The following ADGRV1 variants were observed in gnomAD, a reference collection of about 807,000 sequenced individuals.
ADGRV1 encodes G-protein coupled receptor 98.
Under a neutral mutation model 596.2 loss-of-function variants are expected in ADGRV1, and 359 were observed. The ratio of observed to expected loss-of-function variants is 0.60; its 90% CI spans 0.55 to 0.66. The LOEUF is 0.66. Ranked by LOEUF, ADGRV1 falls within the 30% of genes least tolerant of loss-of-function variation. The pLI, the probability that ADGRV1 is intolerant of heterozygous loss-of-function variation, is 0.00. For synonymous variants in ADGRV1, 2,681 were observed against 2,679.2 expected, an observed-to-expected ratio of 1.00 and a Z score of -0.02; for missense variants, 7,274 against 7,575.6, an observed-to-expected ratio of 0.96 and a Z score of 1.48.
chr5:90,669,088 C>T (rs771791756), intron 21 of ADGRV1, among the ~76,000 whole-genome samples: 8 of 152,160 alleles, frequency 5.3e-5, no homozygotes, highest in Admixed American at 1.3e-4. Context: ...TGAGATGTTA[C>T]GATCCCCATT....
chr5:90,947,779 G>A (rs1776718819), intron 83 of ADGRV1, among the ~76,000 whole-genome samples: 1 of 152,086 alleles, frequency 6.6e-6, no homozygotes, highest in African/African-American at 2.4e-5. Flanking sequence ...ATTTTTCAGA[G>A]TGAAACGAGA....
chr5:90,957,154 C>A (rs1777553958), intron 83 of ADGRV1, among the ~76,000 whole-genome samples: 1 of 152,132 alleles, frequency 6.6e-6, no homozygotes, highest in Non-Finnish European at 1.5e-5. Context: ...GGAAAAAAGT[C>A]TTTCCTTAGG....
rs182278555 is a variant in ADGRV1, at chr5:90,573,772, C to A, written c.22+14855C>A. Among the ~76,000 whole-genome samples the A allele has an allele frequency of 3.3e-3, 500 of 152,142 alleles. 6 individuals are homozygous for A. Among genetic ancestry groups the A allele is most frequent in the Non-Finnish European group, 1.9e-3 (129 of 67,956 alleles). ...ATTTAATAAATCACTTGATTGAGAA[C>A]TGGGCATTAAGTAAAAATTAAGTCC... On this transcript the variant is annotated intron_variant, in intron 1 of 89. Coordinates refer to ENST00000405460, the MANE Select transcript of ADGRV1 (RefSeq NM_032119.4).
chr5:90,666,164 A>G (rs1771335174), intron 21 of ADGRV1, among the ~76,000 whole-genome samples: 2 of 150,280 alleles, frequency 1.3e-5, no homozygotes, highest in Admixed American at 1.3e-4. Flanking sequence ...ATTCCTGGGT[A>G]TCCTTGTTGA....
intron 61 of ADGRV1, 121 bp downstream of exon 61, chr5:90,776,697 C>A: frequency 9.2e-7 from 1 of 1,092,578 alleles, no homozygotes; most frequent in Non-Finnish European, 1.3e-6. Flanking sequence ...ATTCTATATA[C>A]TGTTAACATC....
chr5:90,829,797 C>T (rs1764375772), intron 77 of ADGRV1, among the ~76,000 whole-genome samples: 1 of 152,062 alleles, frequency 6.6e-6, no homozygotes, highest in African/African-American at 2.4e-5. Context: ...TTTGTTTTAG[C>T]AGTGAAACTC....
At chr5:90,570,027 C>T (rs972371939) in intron 1 of ADGRV1, among the ~76,000 whole-genome samples, 7 of 152,066 alleles carry the variant, frequency 4.6e-5, no homozygotes, top group Non-Finnish European at 1.0e-4. Flanking sequence ...GTCATGTGAC[C>T]TTTTCTGGCA....
At chr5:90,942,345 G>A (rs557366790) in intron 83 of ADGRV1, among the ~76,000 whole-genome samples, 1 of 152,334 alleles carries the variant, frequency 6.6e-6, no homozygotes, top group African/African-American at 2.4e-5. Context: ...TGGACTAGGT[G>A]TATTTGGAAA....
In ADGRV1 at chr5:90,653,684, C is replaced by T; in HGVS notation, c.4110C>T (p.Phe1370=). The part of the protein sequence containing the change: ...WVMPNANTNG[F]IIAKDDGNGS... Reference sequence around the variant, plus strand: ...TGCCCAATGCCAATACGAATGGATTCATTATAGCGAAGGATGACGGTAATG... The same window carrying T: ...TGCCCAATGCCAATACGAATGGATTTATTATAGCGAAGGATGACGGTAATG... Residue 1370 remains phenylalanine, a synonymous_variant, in exon 20 of 90, where the codon TTC becomes TTT. Transcript: ENST00000405460. 1.2e-6 allele frequency: 2 copies of T among 1,613,198 alleles called. No individual in the cohort carries two copies. The highest frequency in any genetic ancestry group is 2.2e-5 in the South Asian group (2 of 90,904).
chr5:91,089,373 C>A (rs2126566096), intron 86 of ADGRV1, among the ~76,000 whole-genome samples: 1 of 151,840 alleles, frequency 6.6e-6, no homozygotes, highest in Middle Eastern at 3.4e-3. Context: ...AATAGAGAGT[C>A]AAAGGATTTA....
chr5:90,704,109 A>C lies in ADGRV1; in HGVS notation c.8287-280A>C, dbSNP rs181792472. Among the ~76,000 whole-genome samples, 315 of 152,140 alleles carry C rather than the reference A, an allele frequency of 2.1e-3. 2 individuals carry two copies. The highest frequency in any genetic ancestry group is 7.2e-3 in the African/African-American group (299 of 41,500). On this transcript the variant is annotated intron_variant, in intron 35 of 89. Coordinates refer to ENST00000405460, the MANE Select transcript of ADGRV1 (RefSeq NM_032119.4). ...CACCATTGTTGTAGAAACCTCTCCA[A>C]CTTTGTGCTTTGAGATTTCCAATAG...
intron 83 of ADGRV1, among the ~76,000 whole-genome samples, chr5:90,933,838 A>T (rs985897504): frequency 1.3e-5 from 2 of 152,156 alleles, no homozygotes; most frequent in Non-Finnish European, 2.9e-5. Context: ...ATTTGTTCAC[A>T]GCTGAATTGA....
At chr5:90,865,227 C>G (rs1236554325) in intron 83 of ADGRV1, among the ~76,000 whole-genome samples, 2 of 152,080 alleles carry the variant, frequency 1.3e-5, no homozygotes, top group Non-Finnish European at 2.9e-5. Context: ...ATTTATATTG[C>G]CTTTGTAACC....
At chr5:90,595,665 AC>A (rs1242970392) in intron 1 of ADGRV1, among the ~76,000 whole-genome samples, 5 of 98,354 alleles carry the variant, frequency 5.1e-5, no homozygotes, top group Non-Finnish European at 6.0e-5. Flanking sequence ...CGGGGAACTG[AC>A]CCCCCCACCT....
intron 83 of ADGRV1, among the ~76,000 whole-genome samples, chr5:90,964,501 A>G (rs1166544561): frequency 2.0e-5 from 3 of 152,122 alleles, no homozygotes; most frequent in Admixed American, 6.6e-5. Context: ...TGCCATCTAC[A>G]CTCATCATTG....
At chr5:90,787,590 C>CTTTTT (rs35504697) in intron 67 of ADGRV1, among the ~76,000 whole-genome samples, 23 of 118,888 alleles carry the variant, frequency 1.9e-4, no homozygotes, top group South Asian at 2.9e-4. Flanking sequence ...TTCTTTCTTT[C>CTTTTT]TTTTTTTTTT....
At chr5:90,722,523 C>A (rs1338517363) in intron 45 of ADGRV1, among the ~76,000 whole-genome samples, 2 of 150,696 alleles carry the variant, frequency 1.3e-5, no homozygotes, top group African/African-American at 4.9e-5. Context: ...CCAGCCTGAC[C>A]CACACGGAGA....
chr5:90,686,278 T>C (rs1476708365), intron 29 of ADGRV1, among the ~76,000 whole-genome samples: 1 of 152,036 alleles, frequency 6.6e-6, no homozygotes, highest in African/African-American at 2.4e-5. Flanking sequence ...GTTAGTTACA[T>C]ATGTATACAT....
At chr5:90,590,636 A>ATCTG (rs1759367460) in intron 1 of ADGRV1, among the ~76,000 whole-genome samples, 1 of 152,178 alleles carries the variant, frequency 6.6e-6, no homozygotes, top group Non-Finnish European at 1.5e-5. Flanking sequence ...TGGTTTAGCA[A>ATCTG]GTCACCAAAG....
Sources: allele counts gnomAD v4.1 joint callset (sites outside exome capture counted in the v4.1 genomes callset), GRCh38; gene constraint gnomAD v4.1.1; transcripts MANE v1.5; gene names NCBI Gene and HGNC (gene_info 2026-07-23, HGNC 2026-07-21).